The following ETV1 variants were observed in gnomAD, a reference collection of about 807,000 sequenced individuals.
The protein encoded by ETV1 is ETS variant transcription factor 1.
ETV1 carries 27 observed loss-of-function variants against 62.3 expected under a neutral mutation model. That is an observed-to-expected ratio of 0.43 (90% CI 0.32 to 0.60). ETV1 has a LOEUF of 0.60. ETV1 is among the 20% of genes least tolerant of loss of function. ETV1 has a pLI of 0.06. For synonymous variants in ETV1, 222 were observed against 199.6 expected (o/e 1.11, Z -0.94); for missense variants, 605 against 605.8 (o/e 1.00, Z 0.01).
At chr7:13,984,929 T>TAAA (rs67286902) in intron 5 of ETV1, among the ~76,000 whole-genome samples, 6 of 148,856 alleles carry the variant, frequency 4.0e-5, no homozygotes, top group Non-Finnish European at 3.0e-5. Flanking sequence ...AGTCAAAAGT[T>TAAA]AAAAAAAAAG....
At chr7:13,933,624 G>A (rs955195713) in intron 8 of ETV1, among the ~76,000 whole-genome samples, 2 of 152,096 alleles carry the variant, frequency 1.3e-5, no homozygotes, top group African/African-American at 4.8e-5. Context: ...GGGTGTTTTG[G>A]GGAAAGGATC....
At chr7:13,942,592 G>T (rs1009597936) in intron 6 of ETV1, among the ~76,000 whole-genome samples, 1 of 151,998 alleles carries the variant, frequency 6.6e-6, no homozygotes, top group Non-Finnish European at 1.5e-5. Context: ...CCCAGTGTCT[G>T]TTCTCCTTTG....
intron 6 of ETV1, among the ~76,000 whole-genome samples, chr7:13,958,115 T>C (rs1789706610): frequency 6.6e-6 from 1 of 152,246 alleles, no homozygotes; most frequent in Non-Finnish European, 1.5e-5. Flanking sequence ...AAATTTCTGG[T>C]ATATATGCAT....
At chr7:13,931,468 C>G in intron 9 of ETV1, 34 bp downstream of exon 9, 4 of 1,612,594 alleles carry the variant, frequency 2.5e-6, no homozygotes, top group Non-Finnish European at 3.4e-6. Context: ...TGAAAAAGTG[C>G]CTTGAATGTA....
chr7:13,971,390 C>A (rs1410039324), intron 6 of ETV1, among the ~76,000 whole-genome samples: 4 of 152,228 alleles, frequency 2.6e-5, no homozygotes, highest in Admixed American at 2.6e-4. Flanking sequence ...AGTCCCCACA[C>A]AAGGGTCTGT....
chr7:13,902,674 T>C (rs1054827605), intron 12 of ETV1, among the ~76,000 whole-genome samples: 1 of 152,172 alleles, frequency 6.6e-6, no homozygotes, highest in Non-Finnish European at 1.5e-5. Context: ...AGTATTAGTA[T>C]CTCCTTAAAC....
chr7:13,931,781 A>ATTCAT, intron 8 of ETV1, 32 bp from the exon 9 acceptor site: 1 of 1,606,712 alleles, frequency 6.2e-7, no homozygotes, highest in Non-Finnish European at 8.5e-7. Context: ...TTCAGATGAA[A>ATTCAT]CGGTAACATG....
intron 6 of ETV1, among the ~76,000 whole-genome samples, chr7:13,964,361 G>A (rs115989820): frequency 0.011 from 1,612 of 152,150 alleles, 38 homozygotes; most frequent in African/African-American, 0.037. Context: ...TGGTAACTCT[G>A]CAGCTGGAAA....
chr7:13,967,065 G>A (rs959940639), intron 6 of ETV1, among the ~76,000 whole-genome samples: 1 of 152,086 alleles, frequency 6.6e-6, no homozygotes, highest in Non-Finnish European at 1.5e-5. Flanking sequence ...AATAAGAACT[G>A]TTATACATTA....
At chr7:13,923,618 G>C (rs1440996339) in intron 9 of ETV1, among the ~76,000 whole-genome samples, 1 of 152,140 alleles carries the variant, frequency 6.6e-6, no homozygotes, top group South Asian at 2.1e-4. Flanking sequence ...GCTAAGGACA[G>C]ATAACCGTTC....
intron 9 of ETV1, among the ~76,000 whole-genome samples, chr7:13,920,331 A>G (rs1316751455): frequency 6.6e-6 from 1 of 152,206 alleles, no homozygotes; most frequent in Non-Finnish European, 1.5e-5. Flanking sequence ...ACTTGCAAGC[A>G]GGACCAATGA....
At chr7:13,914,524 TAAAC>T (rs1036101776) in intron 9 of ETV1, among the ~76,000 whole-genome samples, 11 of 150,260 alleles carry the variant, frequency 7.3e-5, no homozygotes, top group Non-Finnish European at 1.3e-4. Flanking sequence ...AGAAGAATAA[TAAAC>T]TAACACCCCA....
At position 13,989,302 on chromosome 7, in the gene ETV1, T is replaced by C; in HGVS notation, c.-122A>G. The C allele has an allele frequency of 1.6e-5, 8 of 489,116 alleles. No individual in the cohort carries two copies. The East Asian group carries it at 2.6e-4, about 16-fold the overall frequency. 30.3% of individuals were successfully genotyped at this position (489,116 alleles called of 1,614,324 possible). On this transcript the variant is annotated 5_prime_UTR_variant, in exon 2 of 14. The change abolishes the stop of an existing upstream ORF in the 5' untranslated region. Transcript: ENST00000430479. Reference sequence around the variant, plus strand: ...AAGAGAGCCAACAGAGTTCACAATTTACATATTTTCGGTAGTAGCAAAAAT... The same window carrying C: ...AAGAGAGCCAACAGAGTTCACAATTCACATATTTTCGGTAGTAGCAAAAAT...
intron 5 of ETV1, chr7:13,985,305 G>T (rs1410508639): frequency 6.6e-6 from 1 of 151,922 alleles, no homozygotes; most frequent in East Asian, 1.9e-4. Flanking sequence ...CATTTACACA[G>T]ACTAGCAAAA....
In ETV1 at chr7:13,956,823, G is replaced by A. The variant is rs538483682; in HGVS notation, c.236-17577C>T. On this transcript the variant is annotated intron_variant, in intron 6 of 13. Coordinates refer to ENST00000430479, the MANE Select transcript of ETV1 (RefSeq NM_004956.5). The stretch of plus-strand genomic sequence containing the variant: ...GCACTACATAGGAAACAAACTCTGC[G>A]TTTGATTTTATTGTCACATAAATTT... Among the ~76,000 whole-genome samples, 13 of 152,142 alleles carry A rather than the reference G, an allele frequency of 8.5e-5. No individual in the cohort carries two copies. In the East Asian group the frequency reaches 1.9e-3, roughly 23 times the overall value.
In ETV1 at chr7:13,965,695, T is replaced by C. The variant is rs550169031; in HGVS notation, c.235+11732A>G. Among the ~76,000 whole-genome samples the C allele has an allele frequency of 3.9e-5, 6 of 152,250 alleles. No homozygotes were observed. The South Asian group carries it at 6.2e-4, about 16-fold the overall frequency. The stretch of plus-strand genomic sequence containing the variant: ...TGTCCTAATAGAGATTATTGAGAAA[T>C]GTGTGGTGAGATAGGAGTATCTAAT... On this transcript the variant is annotated intron_variant, in intron 6 of 13. Coordinates refer to ENST00000430479, the MANE Select transcript of ETV1 (RefSeq NM_004956.5).
At chr7:13,925,629 G>A (rs1308668386) in intron 9 of ETV1, among the ~76,000 whole-genome samples, 4 of 150,482 alleles carry the variant, frequency 2.7e-5, no homozygotes, top group African/African-American at 7.3e-5. Context: ...GCGGTGGCGC[G>A]ATCTCAGCTC....
intron 5 of ETV1, among the ~76,000 whole-genome samples, chr7:13,981,023 A>G (rs1781927233): frequency 6.6e-6 from 1 of 152,152 alleles, no homozygotes; most frequent in African/African-American, 2.4e-5. Context: ...TAAGCGATGA[A>G]AAAGTTTCCA....
chr7:13,940,420 C>T (rs867749781), intron 6 of ETV1, among the ~76,000 whole-genome samples: 32 of 150,884 alleles, frequency 2.1e-4, no homozygotes, highest in African/African-American at 5.6e-4. Flanking sequence ...TTTTATTCTT[C>T]GATATGAAAC....
Sources: gnomAD v4.1 joint callset for allele counts (sites outside exome capture counted in the v4.1 genomes callset) on GRCh38, gnomAD v4.1.1 for gene constraint, MANE v1.5 for transcripts, NCBI Gene and HGNC (gene_info 2026-07-23, HGNC 2026-07-21) for gene names.